The following DUOX1 variants were observed in gnomAD, a reference collection of about 807,000 sequenced individuals.
The protein encoded by DUOX1 is dual oxidase 1, also known as NADPH thyroid oxidase 1.
In DUOX1, 134 loss-of-function variants were observed where a neutral mutation model predicts 181.8. The ratio of observed to expected loss-of-function variants is 0.74; its 90% confidence interval spans 0.64 to 0.85. DUOX1 has a LOEUF of 0.85. DUOX1 is among the 40% of genes least tolerant of loss of function. The pLI is 0.00. For missense variants in DUOX1, 1,814 were observed against 2,064.4 expected, an observed-to-expected ratio of 0.88 and a Z score of 2.35; for synonymous variants, 798 against 832.5, an observed-to-expected ratio of 0.96 and a Z score of 0.71.
Position 45,132,015 on chromosome 15 carries a change from A to G in DUOX1, c.49A>G (p.Thr17Ala), listed in dbSNP as rs1215452672. The change falls in exon 2 of 34, where the codon ACC (threonine) becomes GCC (alanine). Residue 17 changes from threonine (T) to alanine (A), a missense_variant. Around this residue, in one of 5 missense-constraint regions of DUOX1, gnomAD observed 320 missense variants for 313.1 expected, o/e 1.02. Transcript: ENST00000389037. ...ATGGACACTTCTGGTTGGGGCATGG[A>G]CCCCTCTGGGTGAGTACAGATTGGA... ...LAWTLLVGAWTPLGAQNPISW... is the reference protein window; with the variant it reads ...LAWTLLVGAWAPLGAQNPISW... 1 of 1,612,352 alleles carries G rather than the reference A, an allele frequency of 6.2e-7. No homozygotes were observed. Among genetic ancestry groups the G allele is most frequent in the African/African-American group, 1.3e-5 (1 of 74,766 alleles).
At position 45,147,727 on chromosome 15, in the gene DUOX1, G is replaced by T; in HGVS notation, c.2548+69G>T. On this transcript the variant is annotated intron_variant, in intron 19 of 33. Transcript: ENST00000389037. ...TCTGTTGGAGATGGGGAAGCCCTGG[G>T]ACCAGGTCTCCAGCCATGGCAGATG... 4 of 1,599,840 alleles carry T rather than the reference G, an allele frequency of 2.5e-6. No individual in the cohort carries two copies. In the Admixed American group the frequency reaches 6.9e-5, roughly 27 times the overall value.
intron 22 of DUOX1, 93 bp downstream of exon 22, chr15:45,150,794 T>C (rs925554976): frequency 1.6e-5 from 19 of 1,212,094 alleles, no homozygotes; most frequent in Non-Finnish European, 2.0e-5. Flanking sequence ...CGCTAGCCCA[T>C]GCAGCACCTT....
chr15:45,147,693 A>G, intron 19 of DUOX1, 35 bp downstream of exon 19: 1 of 1,612,218 alleles, frequency 6.2e-7, no homozygotes, highest in Non-Finnish European at 8.5e-7. Context: ...GAGGCTGGAC[A>G]GGGGCTGATC....
chr15:45,138,453 G>A (rs915755574), intron 10 of DUOX1, among the ~76,000 whole-genome samples: 6 of 152,218 alleles, frequency 3.9e-5, no homozygotes, highest in African/African-American at 1.4e-4. Context: ...GCGTATGTGT[G>A]AGGGGGGTGG....
At chr15:45,159,242 G>A (rs972635753) in intron 28 of DUOX1, among the ~76,000 whole-genome samples, 77 of 152,358 alleles carry the variant, frequency 5.1e-4, no homozygotes, top group African/African-American at 1.8e-3. Flanking sequence ...TCAGCTGAGA[G>A]GCCATGCCAC....
At chr15:45,134,362 C>T in intron 4 of DUOX1, 53 bp downstream of exon 4, 1 of 1,532,432 alleles carries the variant, frequency 6.5e-7, no homozygotes, top group Middle Eastern at 1.9e-4. Context: ...CTGGACACCT[C>T]TGCATGTGAA....
intron 19 of DUOX1, 102 bp from the exon 20 acceptor site, chr15:45,147,802 T>A: frequency 6.6e-7 from 1 of 1,513,002 alleles, no homozygotes; most frequent in Non-Finnish European, 9.2e-7. Context: ...CCTTGCTGTG[T>A]CCAGAAGTGG....
chr15:45,154,018 T>G lies in DUOX1; in HGVS notation c.3574+18T>G. The G allele has an allele frequency of 6.2e-7, 1 of 1,612,606 alleles. No homozygotes were observed. The highest frequency in any genetic ancestry group is 8.5e-7 in the Non-Finnish European group (1 of 1,178,664). On this transcript the variant is annotated intron_variant, in intron 27 of 33. Coordinates refer to ENST00000389037, the MANE Select transcript of DUOX1 (RefSeq NM_175940.3). ...CGTACCAGGTGAGAACCCTCCTTGA[T>G]CCATGAATTTCTGGACCTGACTGTG...
At chr15:45,154,064 C>G (rs1041647461) in intron 27 of DUOX1, 64 bp downstream of exon 27, 1 of 1,513,090 alleles carries the variant, frequency 6.6e-7, no homozygotes, top group African/African-American at 1.4e-5. Flanking sequence ...TCTGGGTTCT[C>G]TGCACCCCAG....
chr15:45,155,969 G>A, intron 28 of DUOX1, 40 bp downstream of exon 28: 2 of 1,611,394 alleles, frequency 1.2e-6, no homozygotes, highest in Non-Finnish European at 8.5e-7. Flanking sequence ...GGAGGGTATG[G>A]GCAGGACATT....
chr15:45,141,147 C>G, intron 13 of DUOX1, 77 bp downstream of exon 13: 3 of 1,586,060 alleles, frequency 1.9e-6, no homozygotes, highest in Admixed American at 3.3e-5. Flanking sequence ...TTAGACAGCC[C>G]CCATGAGCCC....
Position 45,155,812 on chromosome 15 carries a change from G to A in DUOX1, c.3585G>A (p.Gly1195=). Residue 1195 remains glycine, a synonymous_variant, in exon 28 of 34, where the codon GGG becomes GGA. Transcript: ENST00000389037. Reference sequence around the variant, plus strand: ...ATATTCATTTTGCAGGCCTCACGGGGGTTGTGCTGCTCCTGATCCTGGCCA... The same window carrying A: ...ATATTCATTTTGCAGGCCTCACGGGAGTTGTGCTGCTCCTGATCCTGGCCA... ...WFFQTVPGLT[G]VVLLLILAIM... 1 of 1,613,836 alleles carries A rather than the reference G, an allele frequency of 6.2e-7. No individual in the cohort carries two copies. Among genetic ancestry groups the A allele is most frequent in the Non-Finnish European group, 8.5e-7 (1 of 1,180,030 alleles).
At chr15:45,130,284 C>G (rs1199503002) in intron 1 of DUOX1, among the ~76,000 whole-genome samples, 186 bp downstream of exon 1, 1 of 152,226 alleles carries the variant, frequency 6.6e-6, no homozygotes, top group African/African-American at 2.4e-5. Flanking sequence ...GTCCTCTGCC[C>G]AATCAAGGTT....
In DUOX1 at chr15:45,155,959, G is replaced by A. The variant is rs764597414; in HGVS notation, c.3702+30G>A. The A allele has an allele frequency of 5.6e-6, 9 of 1,614,028 alleles. No individual in the cohort carries two copies. The South Asian group carries it at 8.8e-5, about 16-fold the overall frequency. On this transcript the variant is annotated intron_variant, in intron 28 of 33. Coordinates refer to ENST00000389037, the MANE Select transcript of DUOX1 (RefSeq NM_175940.3). ...GGGCTTTTGGCTGTGAGCCAGGCCA[G>A]GAGGGTATGGGCAGGACATTTCCAG...
chr15:45,164,874 C>T lies in DUOX1; in HGVS notation c.4629C>T (p.His1543=), dbSNP rs576958184. The T allele has an allele frequency of 7.4e-5, 119 of 1,614,178 alleles. 2 individuals carry two copies. In the South Asian group the frequency reaches 1.2e-3, roughly 16 times the overall value. Residue 1543 remains histidine, a synonymous_variant, in exon 34 of 34, where the codon CAC becomes CAT. Transcript: ENST00000389037. The stretch of plus-strand genomic sequence containing the variant: ...TCATCAACAGGCAGGACCGGACTCA[C>T]TTCTCCCACCATTATGAGAACTTCT... ...CQLINRQDRT[H]FSHHYENF is the part of the protein sequence containing the mutation.
At chr15:45,134,692 G>A (rs78169882) in intron 4 of DUOX1, among the ~76,000 whole-genome samples, 2 of 152,286 alleles carry the variant, frequency 1.3e-5, no homozygotes, top group East Asian at 3.9e-4. Context: ...ACAGGCTCAG[G>A]GCAGGGTTCT....
In DUOX1 at chr15:45,143,210, A is replaced by G. The variant is rs745521510; in HGVS notation, c.1843A>G (p.Ile615Val). The stretch of plus-strand genomic sequence containing the variant: ...CCCAGTGAGCCTGCTCAGTGCCTGG[A>G]TTGTTGCCCGGCTCCGGATGAGAAA... ...FPLVSLLSAW[I>V]VARLRMRNFK... is the part of the protein sequence containing the mutation. Residue 615 changes from isoleucine to valine, a missense_variant, in exon 16 of 34, where the codon ATT becomes GTT. Ile to Val is a conservative substitution (Grantham distance 29). Coordinates refer to ENST00000389037, the MANE Select transcript of DUOX1 (RefSeq NM_175940.3). 6.2e-7 allele frequency: 1 copy of G among 1,614,010 alleles called. No homozygotes were observed. Among genetic ancestry groups the G allele is most frequent in the Middle Eastern group, 1.6e-4 (1 of 6,062 alleles).
intron 28 of DUOX1, among the ~76,000 whole-genome samples, chr15:45,158,133 C>G (rs1897008510): frequency 6.6e-6 from 1 of 152,168 alleles, no homozygotes. Context: ...AAGGAATCTG[C>G]AGCAGCCTTG....
intron 18 of DUOX1, 97 bp downstream of exon 18, chr15:45,145,177 T>A: frequency 8.5e-7 from 1 of 1,174,864 alleles, no homozygotes; most frequent in Non-Finnish European, 1.2e-6. Context: ...AGCCCAGAGT[T>A]CTCAGCTAAT....
Sources: allele counts gnomAD v4.1 joint callset (sites outside exome capture counted in the v4.1 genomes callset), GRCh38; gene constraint gnomAD v4.1.1; regional missense constraint gnomAD v4.1.1; transcripts MANE v1.5; gene names NCBI Gene and HGNC (gene_info 2026-07-23, HGNC 2026-07-21).